The following NSUN6 variants were observed in gnomAD, a reference collection of about 807,000 sequenced individuals.
NSUN6 encodes the protein NOP2/Sun RNA methyltransferase 6.
Under a neutral mutation model 58.0 loss-of-function variants are expected in NSUN6, and 64 were observed. The observed-to-expected ratio is 1.10, with a 90% confidence interval of 0.90 to 1.36. NSUN6 has a LOEUF of 1.36. Ranked by LOEUF, NSUN6 falls within the 40% of genes most tolerant of loss-of-function variation. The pLI, the probability that NSUN6 is intolerant of heterozygous loss-of-function variation, is 0.00. For missense variants in NSUN6, 701 were observed against 550.1 expected (o/e 1.27, Z -2.74); for synonymous variants, 231 against 193.9 (o/e 1.19, Z -1.59).
At chr10:18,622,343 C>T (rs899378045) in intron 3 of NSUN6, among the ~76,000 whole-genome samples, 7 of 152,150 alleles carry the variant, frequency 4.6e-5, no homozygotes, top group Non-Finnish European at 8.8e-5. Context: ...TACTGGCACA[C>T]GTCGTGGATT....
chr10:18,571,362 C>G (rs573838547), intron 8 of NSUN6, among the ~76,000 whole-genome samples: 3 of 151,434 alleles, frequency 2.0e-5, no homozygotes, highest in African/African-American at 7.2e-5. Flanking sequence ...ATTCCACTCT[C>G]CATTCCAGTT....
At chr10:18,634,600 A>AC (rs1490541302) in intron 3 of NSUN6, among the ~76,000 whole-genome samples, 1 of 147,570 alleles carries the variant, frequency 6.8e-6, no homozygotes, top group Non-Finnish European at 1.5e-5. Flanking sequence ...AAAAAATACA[A>AC]AAAAAAAAAA....
At chr10:18,555,030 G>C (rs1436041917) in intron 8 of NSUN6, among the ~76,000 whole-genome samples, 1 of 150,806 alleles carries the variant, frequency 6.6e-6, no homozygotes, top group Admixed American at 6.6e-5. Context: ...AATGGAGAGT[G>C]GAATGGAGAA....
At chr10:18,654,844 C>T (rs7898781), upstream of NSUN6, 53,870 of 154,992 alleles carry the variant, frequency 0.35, 9,941 homozygotes, top group East Asian at 0.74. Context: ...TGTGGCACTG[C>T]ACTCCAGCCT....
intron 3 of NSUN6, among the ~76,000 whole-genome samples, chr10:18,619,335 T>C (rs2058519942): frequency 6.6e-6 from 1 of 152,218 alleles, no homozygotes; most frequent in Non-Finnish European, 1.5e-5. Context: ...CTGCGCATTC[T>C]CAGAAACACA....
intron 3 of NSUN6, among the ~76,000 whole-genome samples, chr10:18,625,125 C>G (rs1448233874): frequency 1.3e-5 from 2 of 152,104 alleles, no homozygotes; most frequent in Non-Finnish European, 2.9e-5. Flanking sequence ...TGGTTTCTTC[C>G]AAACTTCACC....
chr10:18,549,446 A>T (rs1406101120), intron 9 of NSUN6, among the ~76,000 whole-genome samples: 1 of 152,080 alleles, frequency 6.6e-6, no homozygotes, highest in Non-Finnish European at 1.5e-5. Flanking sequence ...AACTATTCCA[A>T]TCCAACACTC....
At chr10:18,636,434 G>A (rs182208813) in intron 3 of NSUN6, among the ~76,000 whole-genome samples, 1 of 151,252 alleles carries the variant, frequency 6.6e-6, no homozygotes, top group Non-Finnish European at 1.5e-5. Context: ...GCCAAGGAGG[G>A]TGGATCACTT....
At chr10:18,594,885 G>A (rs2057524293) in intron 7 of NSUN6, among the ~76,000 whole-genome samples, 1 of 152,148 alleles carries the variant, frequency 6.6e-6, no homozygotes, top group African/African-American at 2.4e-5. Flanking sequence ...AATAAATAGG[G>A]TGACAGTAGA....
intron 8 of NSUN6, among the ~76,000 whole-genome samples, chr10:18,574,326 C>A (rs914453984): frequency 1.3e-5 from 2 of 151,994 alleles, no homozygotes; most frequent in African/African-American, 4.8e-5. Context: ...CTTACTGACT[C>A]GAGAATCTTA....
rs34797299 is a variant in NSUN6 at position 18,636,963 on chromosome 10, CTT to C, written c.311+5511_311+5512del. 5.7e-3 allele frequency among the ~76,000 whole-genome samples: 706 copies of C among 124,750 alleles called. 7 individuals carry two copies. The highest frequency in any genetic ancestry group is 0.018 in the African/African-American group (585 of 33,398). The allele number at this position is 124,750 out of a possible 152,430, so 81.8% of individuals were successfully genotyped here. ...TTAAAAAAAAAAAAAAAGGAATTGA[CTT>C]TTTTTTTTTTTTTTGAGATGGAGTT... On this transcript the variant is annotated intron_variant, in intron 3 of 10. Coordinates refer to ENST00000377304, the MANE Select transcript of NSUN6 (RefSeq NM_182543.5).
At chr10:18,594,571 C>T (rs1272653142) in intron 7 of NSUN6, among the ~76,000 whole-genome samples, 2 of 152,106 alleles carry the variant, frequency 1.3e-5, no homozygotes, top group African/African-American at 4.8e-5. Flanking sequence ...GCCTCAGCCT[C>T]CCAAGTAGCT....
At chr10:18,590,838 T>C (rs2057351741) in intron 7 of NSUN6, among the ~76,000 whole-genome samples, 3 of 151,690 alleles carry the variant, frequency 2.0e-5, no homozygotes, top group Admixed American at 6.6e-5. Flanking sequence ...AACATCACAA[T>C]TAAAAGAACT....
intron 8 of NSUN6, among the ~76,000 whole-genome samples, chr10:18,577,096 G>T (rs1013127772): frequency 6.6e-6 from 1 of 152,148 alleles, no homozygotes; most frequent in Non-Finnish European, 1.5e-5. Flanking sequence ...AACCAACGGC[G>T]ATTTATTAAC....
At chr10:18,658,333 G>C (rs932137957), upstream of NSUN6, 2 of 152,182 alleles carry the variant, frequency 1.3e-5, no homozygotes, top group Admixed American at 6.5e-5. Flanking sequence ...GTTAACTCAA[G>C]AGTTTGGCAT....
upstream of NSUN6, chr10:18,651,696 CG>C (rs1224203353): frequency 1.0e-6 from 1 of 985,728 alleles, no homozygotes; most frequent in Non-Finnish European, 1.2e-6. Context: ...AATCCACAGC[CG>C]CAAGTTTCCC....
intron 7 of NSUN6, among the ~76,000 whole-genome samples, chr10:18,594,216 A>C (rs1333104551): frequency 6.9e-6 from 1 of 145,454 alleles, no homozygotes; most frequent in Admixed American, 6.8e-5. Context: ...AAAAAAAAAG[A>C]AAGCAAGCCT....
chr10:18,562,158 G>C (rs2055561990), intron 8 of NSUN6, among the ~76,000 whole-genome samples: 1 of 150,984 alleles, frequency 6.6e-6, no homozygotes, highest in Non-Finnish European at 1.5e-5. Flanking sequence ...AAATGGAATG[G>C]AATAGAATGG....
chr10:18,596,817 GTACTT>G (rs1309203900), intron 6 of NSUN6, among the ~76,000 whole-genome samples: 1 of 152,062 alleles, frequency 6.6e-6, no homozygotes, highest in Admixed American at 6.6e-5. Context: ...TCATCTGAGA[GTACTT>G]CAATCTCAGC....
Sources: gnomAD v4.1 joint callset for allele counts (sites outside exome capture counted in the v4.1 genomes callset) on GRCh38, gnomAD v4.1.1 for gene constraint, MANE v1.5 for transcripts, NCBI Gene and HGNC (gene_info 2026-07-23, HGNC 2026-07-21) for gene names.